Variants in TLDC2 observed in about 807,000 individuals in gnomAD.
The protein encoded by TLDC2 is TBC/LysM-associated domain containing 2.
TLDC2 carries 23 observed loss-of-function variants against 27.9 expected under a neutral mutation model. That is an observed-to-expected ratio of 0.82 (90% CI 0.59 to 1.17). TLDC2 has a LOEUF of 1.17. Among genes scored for constraint, TLDC2 ranks in the 50% most tolerant of loss-of-function variants. TLDC2 has a pLI of 0.00. For missense variants in TLDC2, 286 were observed against 273.4 expected (o/e 1.05, Z -0.32); for synonymous variants, 124 against 107.4 (o/e 1.16, Z -0.96).
At chr20:36,876,680 C>G (rs1204374981) in intron 1 of TLDC2, among the ~76,000 whole-genome samples, 2 of 152,090 alleles carry the variant, frequency 1.3e-5, no homozygotes, top group Non-Finnish European at 2.9e-5. Flanking sequence ...CACTCACACA[C>G]TCAAACACAC....
At position 36,882,310 on chromosome 20, in the gene TLDC2, A is replaced by G. The variant is rs557612463; in HGVS notation, c.438+1560A>G. 5.9e-5 allele frequency among the ~76,000 whole-genome samples: 9 copies of G among 152,290 alleles called. No homozygotes were observed. In the South Asian group the frequency reaches 1.9e-3, roughly 32 times the overall value. ...ATAATCCCAGCACTTAGGGAGGCAGAGGCAGGAGGATCGCTTGAGCCCAGG... is the reference window on the plus strand; with the variant it reads ...ATAATCCCAGCACTTAGGGAGGCAGGGGCAGGAGGATCGCTTGAGCCCAGG... On this transcript the variant is annotated intron_variant, in intron 4 of 6. Transcript: ENST00000217320.
At chr20:36,877,086 A>G (rs1989686710) in intron 1 of TLDC2, among the ~76,000 whole-genome samples, 1 of 152,128 alleles carries the variant, frequency 6.6e-6, no homozygotes, top group Non-Finnish European at 1.5e-5. Context: ...AAATGCTGAT[A>G]AGAAGAAATA....
intron 6 of TLDC2, 93 bp from the exon 7 acceptor site, chr20:36,892,769 C>T (rs1990106911): frequency 3.4e-6 from 3 of 871,848 alleles, no homozygotes; most frequent in Non-Finnish European, 5.8e-6. Context: ...TTGCCTAATA[C>T]CATCTTATTT....
intron 2 of TLDC2, 37 bp downstream of exon 2, chr20:36,878,091 T>C (rs770189183): frequency 6.3e-7 from 1 of 1,589,726 alleles, no homozygotes; most frequent in Non-Finnish European, 8.6e-7. Context: ...ATTTCAGCCC[T>C]AAACCTAAGA....
At chr20:36,888,076 T>C (rs1003421546) in intron 5 of TLDC2, among the ~76,000 whole-genome samples, 2 of 152,160 alleles carry the variant, frequency 1.3e-5, no homozygotes, top group Non-Finnish European at 2.9e-5. Flanking sequence ...AGGGGCAGCT[T>C]GGCACAGAAC....
rs1990122543 is a variant in TLDC2 at position 36,893,168 on chromosome 20, T to C, written c.*324T>C. 2.8e-6 allele frequency: 4 copies of C among 1,434,500 alleles called. No homozygotes were observed. The highest frequency in any genetic ancestry group is 3.9e-6 in the Non-Finnish European group (4 of 1,033,856). The allele number at this position is 1,434,500 out of a possible 1,614,324, so 88.9% of individuals were successfully genotyped here. ...AGTGCGCACATCCTCATCTTGCATA[T>C]AGATTGCTTCTAGCTGTCCTCAATC... On this transcript the variant is annotated 3_prime_UTR_variant, in exon 7 of 7. Coordinates refer to ENST00000217320, the MANE Select transcript of TLDC2 (RefSeq NM_080628.3).
At chr20:36,877,869 G>T in intron 1 of TLDC2, 30 bp from the exon 2 acceptor site, 1 of 1,600,528 alleles carries the variant, frequency 6.2e-7, no homozygotes, top group South Asian at 1.1e-5. Context: ...CCTGTCCCTG[G>T]ACACACCAGG....
chr20:36,893,033 G>A lies in TLDC2; in HGVS notation c.*189G>A, dbSNP rs1990117713. The A allele has an allele frequency of 6.2e-7, 1 of 1,613,520 alleles. No homozygotes were observed. The highest frequency in any genetic ancestry group is 8.5e-7 in the Non-Finnish European group (1 of 1,179,876). On this transcript the variant is annotated 3_prime_UTR_variant, in exon 7 of 7. Coordinates refer to ENST00000217320, the MANE Select transcript of TLDC2 (RefSeq NM_080628.3). ...GTACTGTCGTTCCATTCCTTTTTTT[G>A]AGGTGTTATGAGTGGGGCTATAACA... is the stretch of plus-strand genomic sequence containing the variant.
At chr20:36,880,058 AATATATATATACATATATATATATAT>A (rs1250892372) in intron 3 of TLDC2, among the ~76,000 whole-genome samples, 10 of 36,320 alleles carry the variant, frequency 2.8e-4, no homozygotes, top group South Asian at 1.2e-3. Context: ...ACTTGTGTAG[AATATATATATACATATATATATATAT>A]ATATATATAT....
Position 36,887,464 on chromosome 20 carries a change from T to C in TLDC2, c.448T>C (p.Trp150Arg). 5 of 1,613,998 alleles carry C rather than the reference T, an allele frequency of 3.1e-6. No homozygotes were observed. The highest frequency in any genetic ancestry group is 4.2e-6 in the Non-Finnish European group (5 of 1,179,902). Residue 150 changes from tryptophan to arginine, a missense_variant, in exon 5 of 7, where the codon TGG becomes CGG. Transcript: ENST00000217320. Reference sequence around the variant, plus strand: ...CCTATGTATCACCCAGGTCTTTAAGTGGACTGGAAGCAACTCTTTCTTTGT... The same window carrying C: ...CCTATGTATCACCCAGGTCTTTAAGCGGACTGGAAGCAACTCTTTCTTTGT... ...SFSPQLKVFK[W>R]TGSNSFFVKG...
chr20:36,887,493 G>A lies in TLDC2; in HGVS notation c.477G>A (p.Lys159=). Residue 159 remains lysine, a synonymous_variant, in exon 5 of 7, where the codon AAG becomes AAA. Coordinates refer to ENST00000217320, the MANE Select transcript of TLDC2 (RefSeq NM_080628.3). ...CTGGAAGCAACTCTTTCTTTGTGAA[G>A]GGAGACTTGGATTCACTGATGATGG... The part of the protein sequence containing the change: ...KWTGSNSFFV[K]GDLDSLMMGS... 6.2e-7 allele frequency: 1 copy of A among 1,614,146 alleles called. No homozygotes were observed. Among genetic ancestry groups the A allele is most frequent in the Non-Finnish European group, 8.5e-7 (1 of 1,180,000 alleles).
At position 36,890,419 on chromosome 20, in the gene TLDC2, T is replaced by TTTCTTTCTTTCTTTC. The variant is rs1555830171; in HGVS notation, c.*17+1018_*17+1019insCTTTCTTTCTTTCTT. 4.7e-4 allele frequency: 10 copies of TTTCTTTCTTTCTTTC among 21,358 alleles called. No homozygotes were observed. In the South Asian group the frequency reaches 7.1e-3, roughly 15 times the overall value. The allele number at this position is 21,358 out of a possible 1,614,324, so 1.3% of individuals were successfully genotyped here. ...TTCTCTTTCTTTCTTTCTTTCTTTCTTTTCTTTCTCTCTTTCCTTCCTTCC... is the reference window on the plus strand; with the variant it reads ...TTCTCTTTCTTTCTTTCTTTCTTTCTTTCTTTCTTTCTTTCTTTCTTTCTCTCTTTCCTTCCTTCC... On this transcript the variant is annotated intron_variant, in intron 6 of 6. Transcript: ENST00000217320.
intron 3 of TLDC2, among the ~76,000 whole-genome samples, chr20:36,880,361 G>T (rs1037615115): frequency 6.6e-6 from 1 of 151,822 alleles, no homozygotes; most frequent in Non-Finnish European, 1.5e-5. Context: ...CCCCCAAAGT[G>T]CTGGGATTAC....
chr20:36,886,048 A>G (rs1016133733), intron 4 of TLDC2, among the ~76,000 whole-genome samples: 1 of 152,152 alleles, frequency 6.6e-6, no homozygotes, highest in Non-Finnish European at 1.5e-5. Context: ...TGGTGTGGCT[A>G]ATGTGTAGTC....
chr20:36,882,536 A>AAT (rs1555828938), intron 4 of TLDC2, among the ~76,000 whole-genome samples: 2 of 151,844 alleles, frequency 1.3e-5, no homozygotes, highest in Non-Finnish European at 2.9e-5. Context: ...CTTAAAAAAA[A>AAT]TTTTTTTTTA....
In TLDC2 at chr20:36,889,375, CTTCTCAG is replaced by C; in HGVS notation, c.638_644del (p.Leu213ProfsTer12). ...CTGCATCCAGGAGCTGGAGGCTTGG[CTTCTCAG>C]CTGACAGCCCTGCGGCAACAGGTAC... On this transcript the variant is annotated frameshift_variant, in exon 6 of 7. Transcript: ENST00000217320. LOFTEE classifies it high-confidence loss of function. 1.2e-6 allele frequency: 2 copies of C among 1,613,928 alleles called. No individual in the cohort carries two copies. The highest frequency in any genetic ancestry group is 1.7e-6 in the Non-Finnish European group (2 of 1,179,992).
At chr20:36,887,008 G>A (rs962846833) in intron 4 of TLDC2, among the ~76,000 whole-genome samples, 5 of 152,100 alleles carry the variant, frequency 3.3e-5, no homozygotes, top group African/African-American at 9.7e-5. Flanking sequence ...GGCAGAGGAC[G>A]GGATAGAAAT....
chr20:36,879,111 G>A lies in TLDC2; in HGVS notation c.260G>A (p.Gly87Asp), dbSNP rs1601094727. ...WSLVFCTSRD[G>D]FSLQSLYRRM... ...CTGGTCTTCTGCACGTCAAGGGACG[G>A]TTTCAGCCTGCAGAGCCTGTACCGG... Residue 87 changes from glycine (G) to aspartate (D), a missense_variant, in exon 3 of 7, where the codon GGT becomes GAT. Transcript: ENST00000217320. The A allele has an allele frequency of 8.1e-6, 13 of 1,614,024 alleles. No individual in the cohort carries two copies. Among genetic ancestry groups the A allele is most frequent in the Non-Finnish European group, 1.0e-5 (12 of 1,180,022 alleles).
At chr20:36,887,651 G>T (rs143755362) in intron 5 of TLDC2, 123 bp downstream of exon 5, 25 of 910,244 alleles carry the variant, frequency 2.7e-5, no homozygotes, top group Middle Eastern at 3.1e-4. Context: ...CTCTCAGGCC[G>T]TTCCCCTCAT....
Sources: allele counts gnomAD v4.1 joint callset (sites outside exome capture counted in the v4.1 genomes callset), GRCh38; gene constraint gnomAD v4.1.1; transcripts MANE v1.5; gene names NCBI Gene and HGNC (gene_info 2026-07-23, HGNC 2026-07-21).